TRPM3: variants seen among roughly 807,000 people sequenced by gnomAD.
TRPM3 encodes transient receptor potential cation channel subfamily M member 3.
TRPM3 carries 77 observed loss-of-function variants against 181.2 expected under a neutral mutation model. That is an observed-to-expected ratio of 0.42 (90% CI 0.35 to 0.51). The LOEUF (loss-of-function observed/expected upper bound fraction) is 0.51. Among genes scored for constraint, TRPM3 ranks in the 20% least tolerant of loss-of-function variants. TRPM3 has a pLI of 0.01. For synonymous variants in TRPM3, 745 were observed against 796.4 expected, an observed-to-expected ratio of 0.94 and a Z score of 1.09; for missense variants, 1,759 against 2,196.7, an observed-to-expected ratio of 0.80 and a Z score of 3.98.
chr9:70,654,070 C>T (rs2059947214), intron 9 of TRPM3, among the ~76,000 whole-genome samples: 1 of 136,390 alleles, frequency 7.3e-6, no homozygotes, highest in African/African-American at 3.4e-5. Flanking sequence ...GTGGTCTTGG[C>T]TCTTTTTTTT....
At chr9:70,932,154 A>T (rs2096781511) in intron 1 of TRPM3, among the ~76,000 whole-genome samples, 2 of 152,162 alleles carry the variant, frequency 1.3e-5, no homozygotes, top group Admixed American at 1.3e-4. Flanking sequence ...GAAAACTGAG[A>T]GCATTTTAGA....
At position 70,908,086 on chromosome 9, in the gene TRPM3, G is replaced by A. The variant is rs539599164; in HGVS notation, c.178-43575C>T. Among the ~76,000 whole-genome samples the A allele has an allele frequency of 7.2e-5, 11 of 152,224 alleles. No individual in the cohort carries two copies. The South Asian group carries it at 2.1e-3, about 29-fold the overall frequency. On this transcript the variant is annotated intron_variant, in intron 1 of 25. Transcript: ENST00000677713. ...GTATCTATCTAGTAAAGGGATTTAA[G>A]CTCAATGCCAATGAATCAACAATAT...
intron 1 of TRPM3, among the ~76,000 whole-genome samples, chr9:71,082,287 G>A (rs558234661): frequency 7.9e-5 from 12 of 152,298 alleles, no homozygotes; most frequent in African/African-American, 2.2e-4. Context: ...TAAATGCACA[G>A]ATGGCCAAAT....
intron 1 of TRPM3, among the ~76,000 whole-genome samples, chr9:71,435,564 T>A (rs1252683838): frequency 6.6e-6 from 1 of 152,218 alleles, no homozygotes; most frequent in African/African-American, 2.4e-5. Flanking sequence ...CAGCAGAACC[T>A]CATTCCAAAT....
intron 6 of TRPM3, among the ~76,000 whole-genome samples, chr9:70,818,345 C>T (rs1293937149): frequency 2.0e-5 from 3 of 152,178 alleles, no homozygotes; most frequent in Non-Finnish European, 2.9e-5. Flanking sequence ...GTTCTCTTTG[C>T]ATTCAATTTA....
At chr9:71,202,440 C>T (rs892232144) in intron 1 of TRPM3, among the ~76,000 whole-genome samples, 1 of 152,098 alleles carries the variant, frequency 6.6e-6, no homozygotes, top group Non-Finnish European at 1.5e-5. Flanking sequence ...CTTTCTGTAC[C>T]CCTCATGAGA....
chr9:70,542,547 C>T (rs570894058), intron 25 of TRPM3, among the ~76,000 whole-genome samples: 1 of 152,122 alleles, frequency 6.6e-6, no homozygotes, highest in Non-Finnish European at 1.5e-5. Context: ...CTTCTTCAGC[C>T]AGTGAGATAA....
At chr9:71,053,025 A>T (rs1344088940) in intron 1 of TRPM3, among the ~76,000 whole-genome samples, 2 of 144,492 alleles carry the variant, frequency 1.4e-5, no homozygotes, top group Non-Finnish European at 3.0e-5. Flanking sequence ...CTCTTTTGTC[A>T]CCAATAGTGC....
chr9:71,102,331 C>T (rs2068555772), intron 1 of TRPM3, among the ~76,000 whole-genome samples: 1 of 152,176 alleles, frequency 6.6e-6, no homozygotes, highest in Non-Finnish European at 1.5e-5. Context: ...CTAGTCCAGA[C>T]TTTGTCACAC....
chr9:71,321,261 T>C (rs2089197124), intron 1 of TRPM3, among the ~76,000 whole-genome samples: 1 of 152,164 alleles, frequency 6.6e-6, no homozygotes, highest in Admixed American at 6.6e-5. Context: ...CTTTTTTCAA[T>C]CCTAATGCCA....
chr9:70,819,033 A>G (rs1336221380), intron 6 of TRPM3, among the ~76,000 whole-genome samples: 5 of 152,214 alleles, frequency 3.3e-5, no homozygotes, highest in Admixed American at 2.6e-4. Flanking sequence ...AGGCTACCTT[A>G]GAAGGGTATG....
chr9:71,255,043 A>T (rs1588150456), intron 1 of TRPM3, among the ~76,000 whole-genome samples: 2 of 152,114 alleles, frequency 1.3e-5, no homozygotes, highest in Admixed American at 1.3e-4. Flanking sequence ...TCTTCTCTTA[A>T]CCAGTCCAAC....
chr9:70,905,584 C>T (rs1414663924), intron 1 of TRPM3, among the ~76,000 whole-genome samples: 1 of 152,090 alleles, frequency 6.6e-6, no homozygotes, highest in Non-Finnish European at 1.5e-5. Context: ...GACAGGCCAA[C>T]AAGATTTATA....
intron 8 of TRPM3, among the ~76,000 whole-genome samples, chr9:70,696,902 G>T (rs1309488373): frequency 6.6e-6 from 1 of 152,104 alleles, no homozygotes; most frequent in African/African-American, 2.4e-5. Flanking sequence ...TTGCTCCTGT[G>T]TGTCTGTCCT....
chr9:70,568,583 CAT>C (rs1168217829), intron 22 of TRPM3, among the ~76,000 whole-genome samples: 1 of 152,130 alleles, frequency 6.6e-6, no homozygotes, highest in Admixed American at 6.5e-5. Flanking sequence ...AATTTCAACT[CAT>C]AAAGAATACA....
At chr9:70,566,195 G>A in intron 22 of TRPM3, among the ~76,000 whole-genome samples, 1 of 152,122 alleles carries the variant, frequency 6.6e-6, no homozygotes, top group East Asian at 1.9e-4. Context: ...CAGAATACAG[G>A]GTAGGAAGGA....
chr9:71,236,367 CTCCTCT>C (rs1180564473), intron 1 of TRPM3, among the ~76,000 whole-genome samples: 1 of 152,152 alleles, frequency 6.6e-6, no homozygotes, highest in African/African-American at 2.4e-5. Flanking sequence ...TAATTTCCAT[CTCCTCT>C]TCCTCTTCCC....
chr9:70,590,959 A>T, intron 22 of TRPM3, 72 bp downstream of exon 22: 1 of 1,595,096 alleles, frequency 6.3e-7, no homozygotes, highest in South Asian at 1.1e-5. Context: ...AAACAAATGA[A>T]CTTGGAAAAG....
chr9:70,975,002 G>A (rs113815343), intron 1 of TRPM3, among the ~76,000 whole-genome samples: 1,986 of 151,272 alleles, frequency 0.013, 27 homozygotes, highest in East Asian at 0.077. Context: ...CAAGTAGCTG[G>A]GATTACAGGT....
Sources: gnomAD v4.1 joint callset for allele counts (sites outside exome capture counted in the v4.1 genomes callset) on GRCh38, gnomAD v4.1.1 for gene constraint, MANE v1.5 for transcripts, NCBI Gene and HGNC (gene_info 2026-07-23, HGNC 2026-07-21) for gene names.